FMO4: variants seen among roughly 807,000 people sequenced by gnomAD.
The protein encoded by FMO4 is dimethylaniline monooxygenase [N-oxide-forming] 4.
In FMO4, 38 loss-of-function variants were observed where a neutral mutation model predicts 43.3. The observed-to-expected ratio is 0.88, with a 90% confidence interval of 0.68 to 1.15. The LOEUF (loss-of-function observed/expected upper bound fraction) is 1.15, where lower values mean the gene tolerates loss of function less well. Among genes scored for constraint, FMO4 ranks in the 50% most tolerant of loss-of-function variants. FMO4 has a pLI of 0.00. For missense variants in FMO4, 631 were observed against 663.3 expected, an observed-to-expected ratio of 0.95 and a Z score of 0.54; for synonymous variants, 224 against 232.2, an observed-to-expected ratio of 0.96 and a Z score of 0.32.
Position 171,341,746 on chromosome 1 carries a change from A to G in FMO4, c.1584A>G (p.Leu528=). ...WGAPVLLASL[L]LICKSSLFLK... ...CACCTGTCCTACTTGCCTCTCTTCTACTTATCTGTAAATCTTCACTTTTCT... is the reference window on the plus strand; with the variant it reads ...CACCTGTCCTACTTGCCTCTCTTCTGCTTATCTGTAAATCTTCACTTTTCT... The change falls in exon 10 of 10, where the codon CTA becomes CTG. Residue 528 remains leucine, a synonymous_variant. Transcript: ENST00000367749. 1 of 1,613,736 alleles carries G rather than the reference A, an allele frequency of 6.2e-7. No individual in the cohort carries two copies. Among genetic ancestry groups the G allele is most frequent in the Middle Eastern group, 1.7e-4 (1 of 6,058 alleles).
At chr1:171,332,055 TC>T (rs1382124728) in intron 6 of FMO4, among the ~76,000 whole-genome samples, 1 of 152,176 alleles carries the variant, frequency 6.6e-6, no homozygotes, top group Non-Finnish European at 1.5e-5. Flanking sequence ...CAGGAGTGCT[TC>T]CTTCAGAAAC....
chr1:171,339,657 C>A (rs1309536403), intron 9 of FMO4, among the ~76,000 whole-genome samples: 1 of 152,044 alleles, frequency 6.6e-6, no homozygotes, highest in Non-Finnish European at 1.5e-5. Context: ...CCCGGAGAAA[C>A]CTGAAAAGTG....
At position 171,331,707 on chromosome 1, in the gene FMO4, C is replaced by A; in HGVS notation, c.552C>A (p.Gly184=). 1 of 1,613,650 alleles carries A rather than the reference C, an allele frequency of 6.2e-7. No homozygotes were observed. The highest frequency in any genetic ancestry group is 8.5e-7 in the Non-Finnish European group (1 of 1,179,590). The change falls in exon 6 of 10, where the codon GGC becomes GGA. Residue 184 remains glycine (G), a synonymous_variant. Coordinates refer to ENST00000367749, the MANE Select transcript of FMO4 (RefSeq NM_002022.3). The part of the protein sequence containing the change: ...QEYKIPEGFQ[G]KRVLVIGLGN... ...ACAAGATCCCAGAAGGCTTTCAGGG[C>A]AAACGCGTCTTGGTGATTGGTCTTG...
At chr1:171,324,363 G>T in intron 5 of FMO4, 63 bp downstream of exon 5, 1 of 1,346,472 alleles carries the variant, frequency 7.4e-7, no homozygotes, top group South Asian at 1.5e-5. Flanking sequence ...TAAACTTATT[G>T]ATTTGCAGTT....
At chr1:171,324,065 T>C in intron 4 of FMO4, 73 bp from the exon 5 acceptor site, 1 of 1,367,766 alleles carries the variant, frequency 7.3e-7, no homozygotes, top group Non-Finnish European at 9.8e-7. Context: ...GTAACAGACA[T>C]GGTTACCACA....
intron 1 of FMO4, among the ~76,000 whole-genome samples, chr1:171,315,767 GAGTCTCTA>G (rs771880571): frequency 6.6e-6 from 1 of 152,178 alleles, no homozygotes; most frequent in Non-Finnish European, 1.5e-5. Flanking sequence ...ACTGCCTGTA[GAGTCTCTA>G]AGTCAGTCCT....
chr1:171,329,688 T>C (rs1342703077), intron 5 of FMO4, among the ~76,000 whole-genome samples: 3 of 152,122 alleles, frequency 2.0e-5, no homozygotes, highest in Non-Finnish European at 4.4e-5. Context: ...CATGTCAACA[T>C]GACAGAAAAA....
chr1:171,321,321 T>C (rs1334352382), intron 3 of FMO4, among the ~76,000 whole-genome samples: 2 of 152,216 alleles, frequency 1.3e-5, no homozygotes, highest in African/African-American at 4.8e-5. Flanking sequence ...GTCATATATA[T>C]ACAGTTGTCT....
intron 5 of FMO4, among the ~76,000 whole-genome samples, chr1:171,331,209 A>G (rs7541160): frequency 0.23 from 34,380 of 152,162 alleles, 4,377 homozygotes; most frequent in East Asian, 0.47. Context: ...TCAGTATCCA[A>G]AAGAAGATGT....
chr1:171,319,930 T>C lies in FMO4; in HGVS notation c.105T>C (p.Asp35=). 1 of 1,613,662 alleles carries C rather than the reference T, an allele frequency of 6.2e-7. No individual in the cohort carries two copies. The highest frequency in any genetic ancestry group is 8.5e-7 in the Non-Finnish European group (1 of 1,179,604). Residue 35 remains aspartate (D), a synonymous_variant, in exon 3 of 10, where the codon GAT becomes GAC. Transcript: ENST00000367749. ...DLEPTCFERS[D]DIGGLWKFTE... ...AGCCCACCTGCTTTGAGAGAAGTGA[T>C]GACATTGGGGGATTATGGAAGTTTA...
chr1:171,324,458 G>A (rs1662577860), intron 5 of FMO4, among the ~76,000 whole-genome samples, 158 bp downstream of exon 5: 1 of 152,048 alleles, frequency 6.6e-6, no homozygotes, highest in South Asian at 2.1e-4. Flanking sequence ...GTTGTATAAC[G>A]CACTATGTAG....
Position 171,342,037 on chromosome 1 carries a change from C to T in FMO4, c.*198C>T, listed in dbSNP as rs1023781540. 1 of 559,708 alleles carries T rather than the reference C, an allele frequency of 1.8e-6. No homozygotes were observed. Among genetic ancestry groups the T allele is most frequent in the Admixed American group, 3.2e-5 (1 of 31,056 alleles). 34.7% of individuals were successfully genotyped at this position (559,708 alleles called of 1,614,324 possible). On this transcript the variant is annotated 3_prime_UTR_variant, in exon 10 of 10. Transcript: ENST00000367749. Reference sequence around the variant, plus strand: ...CACCCTTTCCAATGCATCTTCTACCCTGCTACCTCAGTGATTATTCTAAAA... The same window carrying T: ...CACCCTTTCCAATGCATCTTCTACCTTGCTACCTCAGTGATTATTCTAAAA...
intron 7 of FMO4, among the ~76,000 whole-genome samples, chr1:171,333,730 A>G (rs1662996518): frequency 6.6e-6 from 1 of 152,116 alleles, no homozygotes; most frequent in African/African-American, 2.4e-5. Flanking sequence ...TATGAGGAAA[A>G]CTACTGGCAA....
At chr1:171,320,100 C>A in intron 3 of FMO4, 143 bp downstream of exon 3, 1 of 872,710 alleles carries the variant, frequency 1.1e-6, no homozygotes, top group Non-Finnish European at 1.8e-6. Flanking sequence ...CAGTGTTAAA[C>A]ATTAGGCAGG....
At position 171,339,742 on chromosome 1, in the gene FMO4, A is replaced by T. The variant is rs45556934; in HGVS notation, c.1251-1671A>T. 7.9e-3 allele frequency among the ~76,000 whole-genome samples: 1,209 copies of T among 152,342 alleles called. 17 individuals are homozygous for T. Among genetic ancestry groups the T allele is most frequent in the African/African-American group, 0.028 (1,169 of 41,574 alleles). On this transcript the variant is annotated intron_variant, in intron 9 of 9. Transcript: ENST00000367749. The stretch of plus-strand genomic sequence containing the variant: ...AGAGTCAAAGAAGAAGGCTGTTCAG[A>T]GACTGGAGGAACAGTTGATGAAGCT...
intron 8 of FMO4, among the ~76,000 whole-genome samples, chr1:171,336,343 T>G (rs1409484507): frequency 6.6e-6 from 1 of 152,038 alleles, no homozygotes; most frequent in African/African-American, 2.4e-5. Context: ...CAAACTTGGA[T>G]TTTAGTCTCT....
At position 171,324,331 on chromosome 1, in the gene FMO4, T is replaced by C. The variant is rs45560645; in HGVS notation, c.484+31T>C. 13,696 of 1,544,170 alleles carry C rather than the reference T, an allele frequency of 8.9e-3. 917 individuals carry two copies. In the African/African-American group the frequency reaches 0.15, roughly 17 times the overall value. On this transcript the variant is annotated intron_variant, in intron 5 of 9. Transcript: ENST00000367749. ...TCATTTCTACCTGAGACCATGCCTA[T>C]GCTTCTGGGTTCTTCTAGAAGTAAA...
Position 171,328,247 on chromosome 1 carries a change from T to C in FMO4, c.485-3393T>C, listed in dbSNP as rs574446083. Reference sequence around the variant, plus strand: ...TAATAGAGATGAGGTTTCGCCATGTTGGCCAGGCTGGTCTCGAACTCCTGA... The same window carrying C: ...TAATAGAGATGAGGTTTCGCCATGTCGGCCAGGCTGGTCTCGAACTCCTGA... On this transcript the variant is annotated intron_variant, in intron 5 of 9. Transcript: ENST00000367749. Among the ~76,000 whole-genome samples the C allele has an allele frequency of 4.7e-4, 72 of 152,244 alleles. 1 individual carries two copies. The highest frequency in any genetic ancestry group is 1.7e-3 in the African/African-American group (72 of 41,576).
intron 3 of FMO4, among the ~76,000 whole-genome samples, chr1:171,321,905 G>A (rs1264527387): frequency 3.3e-5 from 5 of 152,274 alleles, no homozygotes; most frequent in South Asian, 4.2e-4. Flanking sequence ...CTTATGCAGC[G>A]CTGTTGGGTC....
Sources: allele counts gnomAD v4.1 joint callset (sites outside exome capture counted in the v4.1 genomes callset), GRCh38; gene constraint gnomAD v4.1.1; transcripts MANE v1.5; gene names NCBI Gene and HGNC (gene_info 2026-07-23, HGNC 2026-07-21).